Variants in CALN1 observed in about 807,000 individuals in gnomAD.
The protein encoded by CALN1 is calcium-binding protein 8.
In CALN1, 17 loss-of-function variants were observed where a neutral mutation model predicts 30.6. The ratio of observed to expected loss-of-function variants is 0.56; its 90% CI spans 0.38 to 0.83. The LOEUF (loss-of-function observed/expected upper bound fraction) is 0.83, where lower values mean the gene tolerates loss of function less well. Among genes scored for constraint, CALN1 ranks in the 40% least tolerant of loss-of-function variants. CALN1 has a pLI of 0.00. For synonymous variants in CALN1, 156 were observed against 131.4 expected, an observed-to-expected ratio of 1.19 and a Z score of -1.28; for missense variants, 291 against 354.9, an observed-to-expected ratio of 0.82 and a Z score of 1.45.
At chr7:71,868,651 T>C (rs1791738705) in intron 5 of CALN1, among the ~76,000 whole-genome samples, 1 of 151,918 alleles carries the variant, frequency 6.6e-6, no homozygotes, top group Non-Finnish European at 1.5e-5. Context: ...GGATAAGAAC[T>C]CATTCACTCA....
intron 2 of CALN1, among the ~76,000 whole-genome samples, chr7:72,366,712 T>G (rs749616499): frequency 3.9e-5 from 6 of 152,164 alleles, no homozygotes. Context: ...GTCTCACTTG[T>G]TTAATGACTA....
chr7:72,163,906 T>G (rs1788322414), intron 3 of CALN1, among the ~76,000 whole-genome samples: 1 of 151,882 alleles, frequency 6.6e-6, no homozygotes, highest in African/African-American at 2.4e-5. Context: ...GATGAATCCA[T>G]GATCAGACTA....
intron 4 of CALN1, among the ~76,000 whole-genome samples, chr7:72,063,988 T>A (rs1009202146): frequency 1.3e-5 from 2 of 152,166 alleles, no homozygotes; most frequent in African/African-American, 4.8e-5. Context: ...AAACTTCTTT[T>A]TCTGGCCAGG....
chr7:72,330,485 A>AAAAG (rs1554374257), intron 2 of CALN1, among the ~76,000 whole-genome samples: 1 of 143,166 alleles, frequency 7.0e-6, no homozygotes, highest in Non-Finnish European at 1.5e-5. Context: ...AAAAAAAAAA[A>AAAAG]AGAGAGAGAG....
At chr7:72,478,674 G>C in the CALN1 span, among the ~76,000 whole-genome samples, 1 of 151,900 alleles carries the variant, frequency 6.6e-6, no homozygotes, top group Non-Finnish European at 1.5e-5. Flanking sequence ...TGCTTCCCCT[G>C]CTGCCTCCAT....
chr7:72,078,271 G>C (rs1021637816), intron 4 of CALN1, among the ~76,000 whole-genome samples: 3 of 152,044 alleles, frequency 2.0e-5, no homozygotes. Flanking sequence ...GCTACCCCGA[G>C]AAGGGAATGA....
intron 3 of CALN1, among the ~76,000 whole-genome samples, chr7:72,230,123 A>C (rs1286201639): frequency 1.3e-5 from 2 of 152,098 alleles, no homozygotes; most frequent in Non-Finnish European, 2.9e-5. Context: ...CCTGGGCAAC[A>C]GAGCAAGACT....
intron 1 of CALN1, among the ~76,000 whole-genome samples, chr7:72,440,776 G>A (rs1808320585): frequency 6.6e-6 from 1 of 152,150 alleles, no homozygotes; most frequent in East Asian, 1.9e-4. Context: ...GCAGTGAGCT[G>A]AGATCGCACC....
chr7:71,979,683 T>C (rs1242898646), intron 5 of CALN1, among the ~76,000 whole-genome samples: 3 of 152,044 alleles, frequency 2.0e-5, no homozygotes, highest in Admixed American at 2.0e-4. Flanking sequence ...TGGGGACCCC[T>C]GCTCTATGGG....
intron 5 of CALN1, among the ~76,000 whole-genome samples, chr7:71,920,238 T>C (rs796801909): frequency 9.9e-5 from 15 of 152,218 alleles, no homozygotes; most frequent in African/African-American, 3.6e-4. Context: ...CTGTAAATAG[T>C]TTATGAAGGC....
Position 72,343,533 on chromosome 7 carries a change from C to A in CALN1, c.119+59718G>T, listed in dbSNP as rs538205248. On this transcript the variant is annotated intron_variant, in intron 2 of 6. Transcript: ENST00000395275. ...CTGCACTCCAGCATGGGTGACAGAG[C>A]GAGATTCTGTCTCAAAAAAAAAAAA... Among the ~76,000 whole-genome samples the A allele has an allele frequency of 3.6e-5, 5 of 138,236 alleles. No individual in the cohort carries two copies. In the South Asian group the frequency reaches 7.3e-4, roughly 20 times the overall value. 90.7% of individuals were successfully genotyped at this position (138,236 alleles called of 152,430 possible). A position where few individuals can be genotyped will look rare whatever the true frequency, so the allele number is the denominator to read the frequency against.
chr7:72,365,316 G>A (rs1357040910), intron 2 of CALN1, among the ~76,000 whole-genome samples: 1 of 152,094 alleles, frequency 6.6e-6, no homozygotes, highest in African/African-American at 2.4e-5. Context: ...CTGGGTGACA[G>A]AGCAAGACCT....
chr7:72,199,676 T>C (rs1791283403), intron 3 of CALN1, among the ~76,000 whole-genome samples: 1 of 152,078 alleles, frequency 6.6e-6, no homozygotes, highest in Non-Finnish European at 1.5e-5. Flanking sequence ...CAAGAAGCTA[T>C]CTCTACAAAA....
At chr7:72,086,345 A>C (rs1805481587) in intron 4 of CALN1, among the ~76,000 whole-genome samples, 1 of 152,208 alleles carries the variant, frequency 6.6e-6, no homozygotes, top group African/African-American at 2.4e-5. Flanking sequence ...AAAGTCCCAA[A>C]TACCCTATAC....
At chr7:71,907,563 T>C (rs2116980102) in intron 5 of CALN1, among the ~76,000 whole-genome samples, 1 of 152,342 alleles carries the variant, frequency 6.6e-6, no homozygotes, top group South Asian at 2.1e-4. Context: ...TATGTGATTT[T>C]GGAGCAAACT....
chr7:71,941,609 G>C (rs1445151667), intron 5 of CALN1, among the ~76,000 whole-genome samples: 2 of 152,116 alleles, frequency 1.3e-5, no homozygotes, highest in African/African-American at 2.4e-5. Context: ...AGCAACAATG[G>C]TATACACTTG....
the CALN1 span, among the ~76,000 whole-genome samples, chr7:72,452,484 C>T: frequency 1.3e-5 from 2 of 152,140 alleles, no homozygotes; most frequent in Non-Finnish European, 2.9e-5. Flanking sequence ...CACCTTCCTC[C>T]TCCTTCTCTC....
At chr7:72,328,487 C>T (rs907787472) in intron 2 of CALN1, among the ~76,000 whole-genome samples, 1 of 152,180 alleles carries the variant, frequency 6.6e-6, no homozygotes, top group Non-Finnish European at 1.5e-5. Flanking sequence ...GTGCATCAAG[C>T]CTCTTTCCTT....
chr7:72,455,639 G>A, the CALN1 span, among the ~76,000 whole-genome samples: 5 of 152,054 alleles, frequency 3.3e-5, no homozygotes, highest in African/African-American at 1.2e-4. Flanking sequence ...GTTACTCCGG[G>A]GACATGGAGG....
Sources: gnomAD v4.1 joint callset for allele counts (sites outside exome capture counted in the v4.1 genomes callset) on GRCh38, gnomAD v4.1.1 for gene constraint, MANE v1.5 for transcripts, NCBI Gene and HGNC (gene_info 2026-07-23, HGNC 2026-07-21) for gene names.